The following SEC14L5 variants were observed in gnomAD, a reference collection of about 807,000 sequenced individuals.
SEC14L5 encodes the protein SEC14-like protein 5.
In SEC14L5, 96 loss-of-function variants were observed where a neutral mutation model predicts 84.6. The ratio of observed to expected loss-of-function variants is 1.13; its 90% CI spans 0.96 to 1.34. The LOEUF (loss-of-function observed/expected upper bound fraction) is 1.34. Ranked by LOEUF, SEC14L5 falls within the 40% of genes most tolerant of loss-of-function variation. The pLI is 0.00. For synonymous variants in SEC14L5, 546 were observed against 383.4 expected (o/e 1.42, Z -4.95); for missense variants, 1,224 against 942.5 (o/e 1.30, Z -3.91).
At chr16:4,985,967 A>G (rs35384978) in intron 2 of SEC14L5, among the ~76,000 whole-genome samples, 19,229 of 151,842 alleles carry the variant, frequency 0.13, 2,150 homozygotes, top group East Asian at 0.53. Flanking sequence ...TATCTTGGGT[A>G]TATACCTAGG....
intron 15 of SEC14L5, among the ~76,000 whole-genome samples, chr16:5,013,038 G>C (rs1052620001): frequency 2.0e-5 from 3 of 152,180 alleles, no homozygotes; most frequent in African/African-American, 7.2e-5. Flanking sequence ...AGGAGAGAGA[G>C]AGAGCAGAGG....
chr16:5,015,223 G>T lies in SEC14L5; in HGVS notation c.*253G>T. 1.9e-6 allele frequency: 1 copy of T among 516,096 alleles called. No individual in the cohort carries two copies. Among genetic ancestry groups the T allele is most frequent in the Non-Finnish European group, 3.5e-6 (1 of 289,578 alleles). The allele number at this position is 516,096 out of a possible 1,614,324, so 32.0% of individuals were successfully genotyped here. A position where few individuals can be genotyped will look rare whatever the true frequency, so the allele number is the denominator to read the frequency against. ...GTAAGGAAGACCAAGCCAAGGCCAAGGTGTCTACCATACCACACCTTTGGG... is the reference window on the plus strand; with the variant it reads ...GTAAGGAAGACCAAGCCAAGGCCAATGTGTCTACCATACCACACCTTTGGG... On this transcript the variant is annotated 3_prime_UTR_variant, in exon 16 of 16. Transcript: ENST00000251170.
rs1030715332 is a variant in SEC14L5, at chr16:4,995,796, T to G, written c.668-552T>G. Among the ~76,000 whole-genome samples, 3 of 152,112 alleles carry G rather than the reference T, an allele frequency of 2.0e-5. No homozygotes were observed. The East Asian group carries it at 5.8e-4, about 29-fold the overall frequency. ...TGTGTGCCACCACGCCTGGCTAATT[T>G]TTGTATTTTAATAGAGACTGGGTTT... On this transcript the variant is annotated intron_variant, in intron 6 of 15. Coordinates refer to ENST00000251170, the MANE Select transcript of SEC14L5 (RefSeq NM_014692.2).
In SEC14L5 at chr16:4,991,870, G is replaced by A. The variant is rs371342034; in HGVS notation, c.507G>A (p.Glu169=). Residue 169 remains glutamate (E), a synonymous_variant, in exon 6 of 16, where the codon GAG becomes GAA. Transcript: ENST00000251170. ...AGGTGATTGAGCATTACCTGAATGA[G>A]CTCATCTCCCAGGGTACCTCGCACA... ...GKEVIEHYLN[E]LISQGTSHIP... is the part of the protein sequence containing the mutation. 2 of 1,609,736 alleles carry A rather than the reference G, an allele frequency of 1.2e-6. No individual in the cohort carries two copies. Among genetic ancestry groups the A allele is most frequent in the African/African-American group, 1.3e-5 (1 of 74,860 alleles).
At position 5,005,872 on chromosome 16, in the gene SEC14L5, A is replaced by AAAC. The variant is rs745510947; in HGVS notation, c.1303-40_1303-39insCAA. The AAAC allele has an allele frequency of 5.3e-3, 7,948 of 1,499,136 alleles. 302 individuals are homozygous for AAAC. In the African/African-American group the frequency reaches 0.098, roughly 18 times the overall value. The allele number at this position is 1,499,136 out of a possible 1,614,324, so 92.9% of individuals were successfully genotyped here. On this transcript the variant is annotated intron_variant, in intron 11 of 15. Transcript: ENST00000251170. ...GAGCAAGACTCCGTCTCAAAAAAAA[A>AAAC]AAAAAAAAAACCATCCATCTTGCCT... is the stretch of plus-strand genomic sequence containing the variant.
chr16:4,969,985 TG>T (rs1475870154), intron 2 of SEC14L5, among the ~76,000 whole-genome samples: 2 of 151,948 alleles, frequency 1.3e-5, no homozygotes, highest in African/African-American at 4.8e-5. Context: ...GCTAGGCTAA[TG>T]TTTGTATCTT....
Position 5,014,992 on chromosome 16 carries a change from C to G in SEC14L5, c.*22C>G. 1.3e-6 allele frequency: 2 copies of G among 1,547,214 alleles called. No homozygotes were observed. The highest frequency in any genetic ancestry group is 1.8e-6 in the Non-Finnish European group (2 of 1,126,364). On this transcript the variant is annotated 3_prime_UTR_variant, in exon 16 of 16. Coordinates refer to ENST00000251170, the MANE Select transcript of SEC14L5 (RefSeq NM_014692.2). ...ATAGCCGGGCCCAGTGTTTCAGGGC[C>G]GCCCGCTCGCCTCCAGTGTCCAGAA...
At chr16:4,975,843 C>T (rs1030116660) in intron 2 of SEC14L5, among the ~76,000 whole-genome samples, 6 of 152,060 alleles carry the variant, frequency 3.9e-5, no homozygotes, top group East Asian at 3.9e-4. Flanking sequence ...TCAGTGGCTG[C>T]GTAGTGGCCA....
At chr16:4,964,711 C>G (rs745969654) in intron 2 of SEC14L5, among the ~76,000 whole-genome samples, 16 of 152,158 alleles carry the variant, frequency 1.1e-4, no homozygotes, top group Non-Finnish European at 2.1e-4. Context: ...GCTGGGATTA[C>G]AGGCGTGAGC....
intron 2 of SEC14L5, among the ~76,000 whole-genome samples, chr16:4,968,209 C>T (rs1261596868): frequency 2.0e-5 from 3 of 149,414 alleles, no homozygotes; most frequent in African/African-American, 2.5e-5. Flanking sequence ...GACGAAGTTT[C>T]GCTCTTGTTG....
intron 15 of SEC14L5, among the ~76,000 whole-genome samples, chr16:5,013,721 GC>G (rs1955834996): frequency 6.6e-6 from 1 of 151,832 alleles, no homozygotes; most frequent in Non-Finnish European, 1.5e-5. Flanking sequence ...ACCACCCCTG[GC>G]TAATTTTTAT....
At chr16:4,964,049 TG>T (rs1469173117) in intron 2 of SEC14L5, among the ~76,000 whole-genome samples, 2 of 152,174 alleles carry the variant, frequency 1.3e-5, no homozygotes, top group Admixed American at 6.5e-5. Flanking sequence ...TTTATTATCT[TG>T]GTAAACAGAG....
chr16:4,958,479 GCGCTCAGCT>G (rs2142462922), intron 1 of SEC14L5, 34 bp downstream of exon 1: 1 of 129,430 alleles, frequency 7.7e-6, no homozygotes, highest in African/African-American at 3.1e-5. Context: ...GCGCGGGTAA[GCGCTCAGCT>G]CCCGAGCCAG....
At chr16:5,013,267 C>T (rs1230547256) in intron 15 of SEC14L5, among the ~76,000 whole-genome samples, 2 of 152,118 alleles carry the variant, frequency 1.3e-5, no homozygotes, top group Admixed American at 6.6e-5. Context: ...TAGAGCCTTG[C>T]CAGAGCACAG....
At chr16:4,959,752 A>G (rs1004761980) in intron 2 of SEC14L5, among the ~76,000 whole-genome samples, 3 of 152,132 alleles carry the variant, frequency 2.0e-5, no homozygotes, top group Admixed American at 2.0e-4. Flanking sequence ...CTGTTTATTG[A>G]ATGTTTACAG....
At chr16:5,013,520 G>C (rs970257707) in intron 15 of SEC14L5, among the ~76,000 whole-genome samples, 2 of 149,464 alleles carry the variant, frequency 1.3e-5, no homozygotes, top group Admixed American at 1.3e-4. Context: ...CCAAGTAGCT[G>C]GGACTATAGG....
chr16:4,967,965 C>A (rs530748194), intron 2 of SEC14L5, among the ~76,000 whole-genome samples: 1 of 127,942 alleles, frequency 7.8e-6, no homozygotes. Context: ...CTCCCCCTTC[C>A]CCTCCCTTCC....
chr16:5,008,327 C>A, intron 13 of SEC14L5, 94 bp from the exon 14 acceptor site: 1 of 876,256 alleles, frequency 1.1e-6, no homozygotes, highest in South Asian at 1.5e-5. Flanking sequence ...AAGGAGACCC[C>A]AGGGGGCACC....
Position 5,015,095 on chromosome 16 carries a change from A to G in SEC14L5, c.*125A>G. The G allele has an allele frequency of 2.8e-6, 2 of 714,604 alleles. No individual in the cohort carries two copies. Among genetic ancestry groups the G allele is most frequent in the South Asian group, 1.8e-5 (1 of 55,580 alleles). The allele number at this position is 714,604 out of a possible 1,614,324, so 44.3% of individuals were successfully genotyped here. A position where few individuals can be genotyped will look rare whatever the true frequency, so the allele number is the denominator to read the frequency against. ...GAGCCCCAGGCCTAGATGCTGCCCA[A>G]GTTGGGGTGTCTGGAGCGGATGGCA... On this transcript the variant is annotated 3_prime_UTR_variant, in exon 16 of 16. Coordinates refer to ENST00000251170, the MANE Select transcript of SEC14L5 (RefSeq NM_014692.2).
Sources: allele counts gnomAD v4.1 joint callset (sites outside exome capture counted in the v4.1 genomes callset), GRCh38; gene constraint gnomAD v4.1.1; transcripts MANE v1.5; gene names NCBI Gene and HGNC (gene_info 2026-07-23, HGNC 2026-07-21).